EYS: variants seen among roughly 807,000 people sequenced by gnomAD.
EYS encodes EGF-like photoreceptor maintenance factor.
Under a neutral mutation model 282.1 loss-of-function variants are expected in EYS, and 250 were observed. The observed-to-expected ratio is 0.89, with a 90% CI of 0.80 to 0.98. The LOEUF (loss-of-function observed/expected upper bound fraction) is 0.98. Among genes scored for constraint, EYS ranks in the 50% least tolerant of loss-of-function variants. EYS has a pLI of 0.00. For missense variants in EYS, 4,016 were observed against 3,709.0 expected, an observed-to-expected ratio of 1.08 and a Z score of -2.15; for synonymous variants, 1,355 against 1,282.9, an observed-to-expected ratio of 1.06 and a Z score of -1.20.
chr6:64,312,175 A>T (rs563714446), intron 29 of EYS, among the ~76,000 whole-genome samples: 23 of 152,080 alleles, frequency 1.5e-4, no homozygotes, highest in African/African-American at 4.6e-4. Flanking sequence ...TCGACCTAGG[A>T]TGCTCGAGCT....
chr6:65,525,403 T>C (rs1767519287), intron 2 of EYS, among the ~76,000 whole-genome samples: 1 of 152,182 alleles, frequency 6.6e-6, no homozygotes, highest in African/African-American at 2.4e-5. Flanking sequence ...TCCTCAACAC[T>C]GATTTTCCAG....
At position 64,194,391 on chromosome 6, in the gene EYS, G is replaced by A. The variant is rs576529887; in HGVS notation, c.6424+36201C>T. ...ATCTTTACTAATGTAAACATTCAAG[G>A]GTGTAAGTTTTCCTGTAGTTACTAT... On this transcript the variant is annotated intron_variant, in intron 31 of 42. Transcript: ENST00000503581. Among the ~76,000 whole-genome samples the A allele has an allele frequency of 3.3e-5, 5 of 152,062 alleles. No individual in the cohort carries two copies. In the South Asian group the frequency reaches 1.0e-3, roughly 32 times the overall value.
At chr6:64,530,772 C>T (rs1764303699) in intron 26 of EYS, among the ~76,000 whole-genome samples, 1 of 151,994 alleles carries the variant, frequency 6.6e-6, no homozygotes, top group African/African-American at 2.4e-5. Flanking sequence ...CTAAAAATGT[C>T]TCATTAAAAT....
At chr6:65,502,852 G>C (rs554788124) in intron 2 of EYS, among the ~76,000 whole-genome samples, 4 of 151,664 alleles carry the variant, frequency 2.6e-5, no homozygotes, top group Non-Finnish European at 5.9e-5. Flanking sequence ...TCTTTAAGAA[G>C]TGAAGCAGTA....
intron 14 of EYS, among the ~76,000 whole-genome samples, chr6:64,984,566 A>G (rs879893581): frequency 1.3e-5 from 2 of 151,448 alleles, no homozygotes; most frequent in Non-Finnish European, 3.0e-5. Context: ...TCTGTAATCA[A>G]TTTTCGTGTA....
At chr6:63,929,349 C>A (rs1209132696) in intron 35 of EYS, among the ~76,000 whole-genome samples, 1 of 152,130 alleles carries the variant, frequency 6.6e-6, no homozygotes, top group South Asian at 2.1e-4. Flanking sequence ...TTCTCACTTG[C>A]CTCAAGACAC....
chr6:64,042,217 G>A (rs1378410718), intron 33 of EYS, among the ~76,000 whole-genome samples: 1 of 152,192 alleles, frequency 6.6e-6, no homozygotes, highest in African/African-American at 2.4e-5. Context: ...TTAATTTGGA[G>A]TACTGGTCAG....
At chr6:64,714,942 A>T (rs1771336530) in intron 22 of EYS, among the ~76,000 whole-genome samples, 1 of 152,000 alleles carries the variant, frequency 6.6e-6, no homozygotes, top group Non-Finnish European at 1.5e-5. Context: ...ATGTCTATCT[A>T]GTCTCAAACT....
intron 11 of EYS, among the ~76,000 whole-genome samples, chr6:65,326,024 A>G (rs1211848834): frequency 6.6e-6 from 1 of 152,124 alleles, no homozygotes; most frequent in Non-Finnish European, 1.5e-5. Context: ...TCATAATTTT[A>G]ATGGGTTTTG....
chr6:63,916,874 A>G (rs1204498376), intron 35 of EYS, among the ~76,000 whole-genome samples: 1 of 152,248 alleles, frequency 6.6e-6, no homozygotes, highest in African/African-American at 2.4e-5. Context: ...TGAAACATGC[A>G]GTGACAGTAA....
At chr6:65,121,926 T>G (rs917687015) in intron 12 of EYS, among the ~76,000 whole-genome samples, 1 of 152,108 alleles carries the variant, frequency 6.6e-6, no homozygotes, top group Non-Finnish European at 1.5e-5. Context: ...TATAGCTAAT[T>G]TATTTTTGTT....
chr6:65,243,404 G>GA (rs111927693), intron 12 of EYS, among the ~76,000 whole-genome samples: 2,293 of 152,220 alleles, frequency 0.015, 59 homozygotes, highest in African/African-American at 0.051. Flanking sequence ...TGTAGTCCTA[G>GA]AATAGGAGTT....
intron 24 of EYS, among the ~76,000 whole-genome samples, chr6:64,613,530 C>T (rs953350665): frequency 7.9e-5 from 12 of 152,000 alleles, no homozygotes; most frequent in Admixed American, 1.3e-4. Flanking sequence ...GATCATTTCC[C>T]ACTAAAGGAA....
chr6:64,747,918 G>A (rs1772610483), intron 22 of EYS, among the ~76,000 whole-genome samples: 2 of 152,144 alleles, frequency 1.3e-5, no homozygotes. Flanking sequence ...TTAAAATTCT[G>A]TTTTTATGTC....
intron 22 of EYS, among the ~76,000 whole-genome samples, chr6:64,658,627 C>G (rs1039239667): frequency 2.0e-5 from 3 of 152,132 alleles, no homozygotes; most frequent in Admixed American, 2.0e-4. Context: ...CACTCCAGAC[C>G]CTGTTTGCCT....
chr6:64,376,794 T>G lies in EYS; in HGVS notation c.6078+11896A>C. Among the ~76,000 whole-genome samples the G allele has an allele frequency of 2.7e-4, 4 of 15,066 alleles. No homozygotes were observed. The Middle Eastern group carries it at 0.095, about 359-fold the overall frequency. 9.9% of individuals were successfully genotyped at this position (15,066 alleles called of 152,430 possible). A position where few individuals can be genotyped will look rare whatever the true frequency, so the allele number is the denominator to read the frequency against. On this transcript the variant is annotated intron_variant, in intron 29 of 42. Transcript: ENST00000503581. ...CTCCAATATACATAATAAAATTTAT[T>G]TTTTTTAAAGTGAATTTATCATCTT...
intron 2 of EYS, among the ~76,000 whole-genome samples, chr6:65,535,509 C>T (rs1455160340): frequency 6.6e-6 from 1 of 152,116 alleles, no homozygotes; most frequent in Non-Finnish European, 1.5e-5. Context: ...GATTATGAGG[C>T]CTCTCCAGCC....
At chr6:64,927,378 T>C (rs1257901013) in intron 15 of EYS, among the ~76,000 whole-genome samples, 1 of 152,168 alleles carries the variant, frequency 6.6e-6, no homozygotes, top group South Asian at 2.1e-4. Flanking sequence ...GAAATATCCC[T>C]AAATCAAACT....
intron 32 of EYS, among the ~76,000 whole-genome samples, chr6:64,066,710 A>T (rs1771384574): frequency 1.3e-5 from 2 of 152,254 alleles, no homozygotes; most frequent in East Asian, 3.9e-4. Context: ...ACTTGACATG[A>T]ATTTTAACTT....
Sources: gnomAD v4.1 joint callset for allele counts (sites outside exome capture counted in the v4.1 genomes callset) on GRCh38, gnomAD v4.1.1 for gene constraint, MANE v1.5 for transcripts, NCBI Gene and HGNC (gene_info 2026-07-23, HGNC 2026-07-21) for gene names.